RAB7A: variants seen among roughly 807,000 people sequenced by gnomAD.
RAB7A encodes ras-related protein Rab-7a.
Under a neutral mutation model 24.5 loss-of-function variants are expected in RAB7A, and 2 were observed. The observed-to-expected ratio is 0.08, with a 90% confidence interval of 0.03 to 0.26. The LOEUF (loss-of-function observed/expected upper bound fraction) is 0.26, where lower values mean the gene tolerates loss of function less well. Ranked by LOEUF, RAB7A falls within the 10% of genes least tolerant of loss-of-function variation. The pLI, the probability that RAB7A is intolerant of heterozygous loss-of-function variation, is 1.00. For synonymous variants in RAB7A, 100 were observed against 95.9 expected, an observed-to-expected ratio of 1.04 and a Z score of -0.25; for missense variants, 118 against 255.7, an observed-to-expected ratio of 0.46 and a Z score of 3.67.
intron 1 of RAB7A, among the ~76,000 whole-genome samples, chr3:128,792,443 G>T (rs1933475223): frequency 6.6e-6 from 1 of 151,184 alleles, no homozygotes; most frequent in African/African-American, 2.4e-5. Context: ...GTCTTGCTCT[G>T]TCGCCCAGGC....
intron 1 of RAB7A, among the ~76,000 whole-genome samples, chr3:128,780,046 G>C (rs1341039968): frequency 6.6e-6 from 1 of 152,226 alleles, no homozygotes; most frequent in Non-Finnish European, 1.5e-5. Context: ...GTATTCTCAT[G>C]CTGATCATGT....
At chr3:128,793,649 G>T (rs118030008) in intron 1 of RAB7A, among the ~76,000 whole-genome samples, 1 of 152,102 alleles carries the variant, frequency 6.6e-6, no homozygotes, top group African/African-American at 2.4e-5. Context: ...CAGTCAAAGC[G>T]GTCCCTGGGG....
At chr3:128,804,550 C>T (rs1428565003) in intron 3 of RAB7A, among the ~76,000 whole-genome samples, 1 of 152,194 alleles carries the variant, frequency 6.6e-6, no homozygotes, top group Non-Finnish European at 1.5e-5. Flanking sequence ...AGCCATAGGA[C>T]TGTACTTGTT....
chr3:128,736,434 A>G (rs2070490034), intron 1 of RAB7A, among the ~76,000 whole-genome samples: 1 of 152,202 alleles, frequency 6.6e-6, no homozygotes, highest in Non-Finnish European at 1.5e-5. Flanking sequence ...GCACTATCAG[A>G]CAGAATAAGC....
intron 1 of RAB7A, among the ~76,000 whole-genome samples, chr3:128,752,064 C>A (rs1576276972): frequency 6.6e-6 from 1 of 152,340 alleles, no homozygotes; most frequent in Admixed American, 6.5e-5. Context: ...AAACCTCTTT[C>A]TTTTGTAAAT....
chr3:128,759,706 A>G (rs1160403735), intron 1 of RAB7A, among the ~76,000 whole-genome samples: 2 of 151,608 alleles, frequency 1.3e-5, no homozygotes, highest in Non-Finnish European at 2.9e-5. Flanking sequence ...CCCGTGTATG[A>G]TGGTGACTTT....
chr3:128,776,987 C>CACACA (rs1559790079), intron 1 of RAB7A, among the ~76,000 whole-genome samples: 1 of 143,712 alleles, frequency 7.0e-6, no homozygotes, highest in Non-Finnish European at 1.5e-5. Flanking sequence ...CACACACACA[C>CACACA]CCCTATTAGT....
rs1304894378 is a variant in RAB7A, at chr3:128,813,337, T to G, written c.539T>G (p.Val180Gly). 6.2e-7 allele frequency: 1 copy of G among 1,613,734 alleles called. No homozygotes were observed. The highest frequency in any genetic ancestry group is 1.1e-5 in the South Asian group (1 of 91,056). ...ARNALKQETE[V>G]ELYNEFPEPI... ...TGTTTCCTTGTCCAGGAAACGGAGG[T>G]GGAGCTGTACAACGAATTTCCTGAA... is the stretch of plus-strand genomic sequence containing the variant. The change falls in exon 6 of 6, where the codon GTG (valine) becomes GGG (glycine). Residue 180 changes from valine to glycine, a missense_variant. By Grantham distance (109) the Val-to-Gly change is moderately radical. Coordinates refer to ENST00000265062, the MANE Select transcript of RAB7A (RefSeq NM_004637.6).
At chr3:128,753,831 G>A (rs1259462945) in intron 1 of RAB7A, among the ~76,000 whole-genome samples, 1 of 152,108 alleles carries the variant, frequency 6.6e-6, no homozygotes, top group Non-Finnish European at 1.5e-5. Context: ...TAGAGATGGA[G>A]TCTCACTGTG....
intron 3 of RAB7A, among the ~76,000 whole-genome samples, chr3:128,799,995 A>C (rs1039756018): frequency 6.6e-5 from 10 of 152,228 alleles, no homozygotes; most frequent in African/African-American, 2.4e-4. Context: ...GGATACTATA[A>C]AAAAATGAGG....
chr3:128,742,160 G>A (rs977805944), intron 1 of RAB7A, among the ~76,000 whole-genome samples: 1 of 152,084 alleles, frequency 6.6e-6, no homozygotes, highest in Non-Finnish European at 1.5e-5. Flanking sequence ...CACGGTGAGT[G>A]TTACAGCTCT....
At chr3:128,808,173 A>G (rs537516855) in intron 5 of RAB7A, among the ~76,000 whole-genome samples, 4 of 152,178 alleles carry the variant, frequency 2.6e-5, no homozygotes, top group East Asian at 3.9e-4. Flanking sequence ...CCTGGCCAAC[A>G]TGGTGAAACC....
chr3:128,777,420 T>G (rs1459965511), intron 1 of RAB7A, among the ~76,000 whole-genome samples: 4 of 152,154 alleles, frequency 2.6e-5, no homozygotes, highest in Non-Finnish European at 5.9e-5. Flanking sequence ...CAGGCTGTTC[T>G]TAAACTCCTG....
chr3:128,810,525 G>C (rs887101157), intron 5 of RAB7A, among the ~76,000 whole-genome samples: 2 of 152,192 alleles, frequency 1.3e-5, no homozygotes, highest in African/African-American at 4.8e-5. Flanking sequence ...TGTTTCTGGT[G>C]AGGGTGCTTT....
chr3:128,762,825 A>C (rs1331526501), intron 1 of RAB7A, among the ~76,000 whole-genome samples: 1 of 152,178 alleles, frequency 6.6e-6, no homozygotes, highest in African/African-American at 2.4e-5. Flanking sequence ...ATTATGAAAA[A>C]ATGTCAGACA....
intron 1 of RAB7A, among the ~76,000 whole-genome samples, chr3:128,747,937 T>G (rs1455790715): frequency 6.6e-6 from 1 of 151,698 alleles, no homozygotes; most frequent in Non-Finnish European, 1.5e-5. Context: ...CCAGCTAATT[T>G]TTGTATTTTT....
At chr3:128,810,147 C>T (rs1933895212) in intron 5 of RAB7A, among the ~76,000 whole-genome samples, 1 of 151,568 alleles carries the variant, frequency 6.6e-6, no homozygotes, top group Admixed American at 6.6e-5. Context: ...GATAGGGTTT[C>T]ACCATGTTGG....
intron 1 of RAB7A, among the ~76,000 whole-genome samples, chr3:128,769,284 TCTG>T: frequency 6.6e-6 from 1 of 152,322 alleles, no homozygotes; most frequent in Non-Finnish European, 1.5e-5. Flanking sequence ...AGGAGTTCCA[TCTG>T]CTCCATATCC....
At chr3:128,777,404 G>A (rs1431251036) in intron 1 of RAB7A, among the ~76,000 whole-genome samples, 1 of 152,124 alleles carries the variant, frequency 6.6e-6, no homozygotes, top group Non-Finnish European at 1.5e-5. Flanking sequence ...GTCTCCCTAT[G>A]TGGCCCAGGC....
Sources: gnomAD v4.1 joint callset for allele counts (sites outside exome capture counted in the v4.1 genomes callset) on GRCh38, gnomAD v4.1.1 for gene constraint, MANE v1.5 for transcripts, NCBI Gene and HGNC (gene_info 2026-07-23, HGNC 2026-07-21) for gene names.